TRPM7: variants seen among roughly 807,000 people sequenced by gnomAD.
The protein encoded by TRPM7 is transient receptor potential cation channel subfamily M member 7.
Under a neutral mutation model 229.7 loss-of-function variants are expected in TRPM7, and 134 were observed. The ratio of observed to expected loss-of-function variants is 0.58; its 90% CI spans 0.51 to 0.67. The LOEUF (loss-of-function observed/expected upper bound fraction) is 0.67, where lower values mean the gene tolerates loss of function less well. Ranked by LOEUF, TRPM7 falls within the 30% of genes least tolerant of loss-of-function variation. The pLI, the probability that TRPM7 is intolerant of heterozygous loss-of-function variation, is 0.00. For missense variants in TRPM7, 1,901 were observed against 2,210.0 expected (o/e 0.86, Z 2.80); for synonymous variants, 699 against 715.2 (o/e 0.98, Z 0.36).
In TRPM7 at chr15:50,611,246, G is replaced by T; in HGVS notation, c.2127C>A (p.Leu709=). ...TACTCCAGTTCTTCAGTTCATAAGTGAGCAATTTCATAGCCATGGTTTCAT... is the reference window on the plus strand; with the variant it reads ...TACTCCAGTTCTTCAGTTCATAAGTTAGCAATTTCATAGCCATGGTTTCAT... ...RQDETMAMKL[L]TYELKNWSNS... is the part of the protein sequence containing the mutation. Residue 709 remains leucine (L), a synonymous_variant, in exon 17 of 39, where the codon CTC becomes CTA. Transcript: ENST00000646667. 1 of 1,613,866 alleles carries T rather than the reference G, an allele frequency of 6.2e-7. No homozygotes were observed. Among genetic ancestry groups the T allele is most frequent in the Non-Finnish European group, 8.5e-7 (1 of 1,179,926 alleles).
At chr15:50,606,238 G>C (rs2059914459) in intron 20 of TRPM7, among the ~76,000 whole-genome samples, 1 of 152,028 alleles carries the variant, frequency 6.6e-6, no homozygotes, top group African/African-American at 2.4e-5. Context: ...AATTAGCCAG[G>C]CTTGGTGGCA....
At chr15:50,600,694 T>TG (rs1266796751) in intron 21 of TRPM7, among the ~76,000 whole-genome samples, 3 of 152,118 alleles carry the variant, frequency 2.0e-5, no homozygotes, top group Non-Finnish European at 4.4e-5. Context: ...AAGTAAGATG[T>TG]GAAAGGTAAA....
At chr15:50,617,696 T>A (rs943289439) in intron 13 of TRPM7, among the ~76,000 whole-genome samples, 22 of 152,230 alleles carry the variant, frequency 1.4e-4, no homozygotes, top group African/African-American at 5.3e-4. Flanking sequence ...GTACCCAGAC[T>A]GGAGTACAGT....
In TRPM7 at chr15:50,612,629, C is replaced by T. The variant is rs1405514538; in HGVS notation, c.1971G>A (p.Lys657=). The change falls in exon 16 of 39, where the codon AAG becomes AAA. Residue 657 remains lysine, a synonymous_variant. Coordinates refer to ENST00000646667, the MANE Select transcript of TRPM7 (RefSeq NM_017672.6). ...ESMAKALVAC[K]IYRSMAYEAK... Reference sequence around the variant, plus strand: ...CTTCATATGCCATTGAACGATAGATCTTACAGGCAACTAATGCTTTAGCCA... The same window carrying T: ...CTTCATATGCCATTGAACGATAGATTTTACAGGCAACTAATGCTTTAGCCA... 4 of 1,614,168 alleles carry T rather than the reference C, an allele frequency of 2.5e-6. No homozygotes were observed. Among genetic ancestry groups the T allele is most frequent in the Non-Finnish European group, 3.4e-6 (4 of 1,180,020 alleles).
At chr15:50,630,581 T>A (rs907753723) in intron 10 of TRPM7, among the ~76,000 whole-genome samples, 1 of 151,978 alleles carries the variant, frequency 6.6e-6, no homozygotes, top group Non-Finnish European at 1.5e-5. Flanking sequence ...TTTCCCTTCA[T>A]AATGAAGATG....
chr15:50,616,770 TC>T (rs2060233323), intron 13 of TRPM7, among the ~76,000 whole-genome samples: 1 of 151,912 alleles, frequency 6.6e-6, no homozygotes, highest in South Asian at 2.1e-4. Flanking sequence ...AACCTCCGCT[TC>T]CCAGGTCCAA....
intron 4 of TRPM7, among the ~76,000 whole-genome samples, chr15:50,644,926 C>T (rs8023644): frequency 0.35 from 52,999 of 151,412 alleles, 10,455 homozygotes; most frequent in Admixed American, 0.48. Context: ...TTTTTAGACA[C>T]GGTCAGGCTC....
intron 1 of TRPM7, among the ~76,000 whole-genome samples, chr15:50,673,904 C>T (rs1240459345): frequency 6.6e-6 from 1 of 152,146 alleles, no homozygotes; most frequent in Non-Finnish European, 1.5e-5. Flanking sequence ...TCCCTGTTTA[C>T]CACATCCACA....
intron 6 of TRPM7, among the ~76,000 whole-genome samples, chr15:50,638,358 C>CAAAAAAAAAA (rs60939201): frequency 2.4e-5 from 1 of 42,284 alleles, no homozygotes; most frequent in African/African-American, 1.2e-4. Flanking sequence ...GACTCCGTCT[C>CAAAAAAAAAA]AAAAAAAAAA....
chr15:50,611,833 A>T (rs922916355), intron 16 of TRPM7, among the ~76,000 whole-genome samples: 2 of 152,264 alleles, frequency 1.3e-5, no homozygotes, highest in African/African-American at 4.8e-5. Context: ...CGGAGGTCTT[A>T]GTATATATTA....
chr15:50,594,286 C>G, intron 24 of TRPM7, 143 bp downstream of exon 24: 1 of 653,094 alleles, frequency 1.5e-6, no homozygotes, highest in East Asian at 2.9e-5. Context: ...CTTAAAAATT[C>G]CTTTATGTAC....
At chr15:50,591,806 T>C (rs2059501877) in intron 26 of TRPM7, 105 bp downstream of exon 26, 2 of 856,470 alleles carry the variant, frequency 2.3e-6, no homozygotes, top group South Asian at 5.7e-5. Flanking sequence ...ATTTTATAAT[T>C]ATACTCTATG....
chr15:50,639,959 A>G (rs1370666149), intron 5 of TRPM7, among the ~76,000 whole-genome samples: 2 of 152,188 alleles, frequency 1.3e-5, no homozygotes, highest in African/African-American at 2.4e-5. Flanking sequence ...ACAGAAGAAT[A>G]CACAAGGACC....
At position 50,605,204 on chromosome 15, in the gene TRPM7, C is replaced by G. The variant is rs2059889920; in HGVS notation, c.2710-60G>C. The G allele has an allele frequency of 1.5e-5, 20 of 1,294,762 alleles. No individual in the cohort carries two copies. In the Admixed American group the frequency reaches 4.6e-4, roughly 29 times the overall value. The allele number at this position is 1,294,762 out of a possible 1,614,324, so 80.2% of individuals were successfully genotyped here. A position where few individuals can be genotyped will look rare whatever the true frequency, so the allele number is the denominator to read the frequency against. ...CAGTTTATTCCTATTAAAACACATA[C>G]AGCATTCAACTATAACATTACAGTA... On this transcript the variant is annotated intron_variant, in intron 20 of 38. Coordinates refer to ENST00000646667, the MANE Select transcript of TRPM7 (RefSeq NM_017672.6).
intron 5 of TRPM7, among the ~76,000 whole-genome samples, chr15:50,642,916 C>T (rs945747261): frequency 1.3e-5 from 2 of 152,002 alleles, no homozygotes; most frequent in African/African-American, 2.4e-5. Flanking sequence ...TTTTTACCTA[C>T]AAACTGTAGA....
Position 50,686,617 on chromosome 15 carries a change from T to C in TRPM7, c.-84A>G. Reference sequence around the variant, plus strand: ...CTGTAGCCATCTATCGGGAAGCGTCTCCGGAGGCGGCAGCAGAGGCCGCCG... The same window carrying C: ...CTGTAGCCATCTATCGGGAAGCGTCCCCGGAGGCGGCAGCAGAGGCCGCCG... On this transcript the variant is annotated 5_prime_UTR_variant, in exon 1 of 39. Transcript: ENST00000646667. 3 of 1,565,146 alleles carry C rather than the reference T, an allele frequency of 1.9e-6. No homozygotes were observed. The highest frequency in any genetic ancestry group is 2.6e-6 in the Non-Finnish European group (3 of 1,156,240).
intron 22 of TRPM7, among the ~76,000 whole-genome samples, chr15:50,598,614 G>T (rs777263511): frequency 9.9e-5 from 15 of 152,186 alleles, no homozygotes; most frequent in Admixed American, 2.6e-4. Flanking sequence ...AACCATTTTA[G>T]AGATAGGCAG....
At chr15:50,597,852 G>C (rs1227226439) in intron 22 of TRPM7, among the ~76,000 whole-genome samples, 3 of 152,040 alleles carry the variant, frequency 2.0e-5, no homozygotes, top group Non-Finnish European at 4.4e-5. Context: ...CTGGAAGACA[G>C]AGGTTGCAGT....
chr15:50,574,785 G>A, intron 34 of TRPM7, 66 bp from the exon 35 acceptor site: 1 of 1,583,346 alleles, frequency 6.3e-7, no homozygotes, highest in South Asian at 1.1e-5. Flanking sequence ...TTGGCTTATT[G>A]ATATTTCAGA....
Sources: allele counts gnomAD v4.1 joint callset (sites outside exome capture counted in the v4.1 genomes callset), GRCh38; gene constraint gnomAD v4.1.1; transcripts MANE v1.5; gene names NCBI Gene and HGNC (gene_info 2026-07-23, HGNC 2026-07-21).